TGFB3: variants seen among roughly 807,000 people sequenced by gnomAD.
TGFB3 encodes the protein transforming growth factor beta 3, also known as transforming growth factor beta-3 proprotein.
In TGFB3, 5 loss-of-function variants were observed where a neutral mutation model predicts 40.1. The observed-to-expected ratio is 0.12, with a 90% CI of 0.07 to 0.26. TGFB3 has a LOEUF of 0.26. Ranked by LOEUF, TGFB3 falls within the 10% of genes least tolerant of loss-of-function variation. The pLI is 1.00. For synonymous variants in TGFB3, 184 were observed against 205.6 expected, an observed-to-expected ratio of 0.89 and a Z score of 0.90; for missense variants, 373 against 530.1, an observed-to-expected ratio of 0.70 and a Z score of 2.91.
At chr14:75,964,494 C>T (rs2035197642) in intron 4 of TGFB3, among the ~76,000 whole-genome samples, 1 of 152,146 alleles carries the variant, frequency 6.6e-6, no homozygotes, top group Admixed American at 6.5e-5. Context: ...TGGAGACTGA[C>T]TTAGAAAGAG....
At chr14:75,976,082 G>A (rs2035350682) in intron 1 of TGFB3, among the ~76,000 whole-genome samples, 1 of 152,218 alleles carries the variant, frequency 6.6e-6, no homozygotes, top group Non-Finnish European at 1.5e-5. Flanking sequence ...GGAAATAGCT[G>A]ACCATGTTTA....
At chr14:75,982,313 G>C (rs1410234516), upstream of TGFB3, among the ~76,000 whole-genome samples, 2 of 152,100 alleles carry the variant, frequency 1.3e-5, no homozygotes, top group Non-Finnish European at 2.9e-5. This position sits in a 1 kb window ranked among gnomAD's most constrained non-coding sequence, Gnocchi z 4.0. Flanking sequence ...AGTCCGCGCC[G>C]TCCGCGGCCC....
chr14:75,959,179 G>T lies in TGFB3; in HGVS notation c.*8C>A, dbSNP rs3917215. Reference sequence around the variant, plus strand: ...TCTCTCTCCCCTCTCTCTGTCGCACGTGGGGTCTCAGCTACATTTACAAGA... The same window carrying T: ...TCTCTCTCCCCTCTCTCTGTCGCACTTGGGGTCTCAGCTACATTTACAAGA... On this transcript the variant is annotated 3_prime_UTR_variant, in exon 7 of 7. Transcript: ENST00000238682. The T allele has an allele frequency of 2.5e-6, 4 of 1,613,984 alleles. No individual in the cohort carries two copies. Among genetic ancestry groups the T allele is most frequent in the Non-Finnish European group, 3.4e-6 (4 of 1,180,002 alleles).
rs537980685 is a variant in TGFB3, at chr14:75,971,794, C to G, written c.353-76G>C. The G allele has an allele frequency of 1.2e-5, 19 of 1,560,848 alleles. No homozygotes were observed. In the East Asian group the frequency reaches 4.1e-4, roughly 33 times the overall value. ...ACAGTGTGCTGCCAACGGACAGGCA[C>G]CAAGTGGCCACCGTCCCGCCTGCCA... On this transcript the variant is annotated intron_variant, in intron 1 of 6. Transcript: ENST00000238682. This position sits in a 1 kb window ranked among gnomAD's most constrained non-coding sequence, Gnocchi z 4.5.
At position 75,971,191 on chromosome 14, in the gene TGFB3, C is replaced by A. The variant is rs760707107; in HGVS notation, c.581G>T (p.Arg194Leu). 1 of 1,614,120 alleles carries A rather than the reference C, an allele frequency of 6.2e-7. No homozygotes were observed. Among genetic ancestry groups the A allele is most frequent in the Non-Finnish European group, 8.5e-7 (1 of 1,180,032 alleles). ...AAAGGACAGCCACTCGGCAGTGCCC[C>A]GTGTGGGCAGATTCTTGCCACCGAT... ...RYIGGKNLPT[R>L]GTAEWLSFDV... is the part of the protein sequence containing the mutation. The change falls in exon 3 of 7, where the codon CGG becomes CTG. Residue 194 changes from arginine (R) to leucine (L), a missense_variant. Transcript: ENST00000238682. This position sits in a 1 kb window ranked among gnomAD's most constrained non-coding sequence, Gnocchi z 4.5.
chr14:75,976,406 C>T (rs1360191507), intron 1 of TGFB3, among the ~76,000 whole-genome samples: 1 of 152,168 alleles, frequency 6.6e-6, no homozygotes, highest in African/African-American at 2.4e-5. Flanking sequence ...GGCACCATGG[C>T]TTCTAGATGT....
At chr14:75,969,296 GGA>G (rs1243053125) in intron 3 of TGFB3, among the ~76,000 whole-genome samples, 14 of 152,136 alleles carry the variant, frequency 9.2e-5, no homozygotes, top group African/African-American at 2.4e-4. Context: ...GCTGATGACA[GGA>G]GAAAACCTTG....
At chr14:75,965,070 C>T (rs766928796) in intron 4 of TGFB3, among the ~76,000 whole-genome samples, 4 of 152,200 alleles carry the variant, frequency 2.6e-5, no homozygotes, top group Admixed American at 6.5e-5. Context: ...CGGGGACAAA[C>T]ACCCTGAGGC....
chr14:75,981,379 C>A lies in TGFB3; in HGVS notation c.-486G>T. Reference sequence around the variant, plus strand: ...CCCAAAATCAAAATCCTTGCCTTGCCTTGAAAGAAAATAAGAAAAGAGAAT... The same window carrying A: ...CCCAAAATCAAAATCCTTGCCTTGCATTGAAAGAAAATAAGAAAAGAGAAT... On this transcript the variant is annotated 5_prime_UTR_variant, in exon 1 of 7. In the 5' UTR this introduces an upstream ATG that the reference lacks. Transcript: ENST00000238682. This position sits in a 1 kb window ranked among gnomAD's most constrained non-coding sequence, Gnocchi z 4.7. 6.1e-6 allele frequency: 1 copy of A among 164,492 alleles called. No individual in the cohort carries two copies. Among genetic ancestry groups the A allele is most frequent in the Admixed American group, 5.8e-5 (1 of 17,344 alleles). 10.2% of individuals were successfully genotyped at this position (164,492 alleles called of 1,614,324 possible).
chr14:75,959,107 T>G lies in TGFB3; in HGVS notation c.*80A>C. ...GGGCTCCAGGCCTCTCAGTGAGGTT[T>G]GTTGCTTGTGTGTTTCCCGAGGAGC... On this transcript the variant is annotated 3_prime_UTR_variant, in exon 7 of 7. Coordinates refer to ENST00000238682, the MANE Select transcript of TGFB3 (RefSeq NM_003239.5). 6.3e-7 allele frequency: 1 copy of G among 1,592,124 alleles called. No homozygotes were observed. Among genetic ancestry groups the G allele is most frequent in the Non-Finnish European group, 8.6e-7 (1 of 1,161,160 alleles).
At chr14:75,961,634 T>C (rs571881229) in intron 5 of TGFB3, among the ~76,000 whole-genome samples, 1 of 152,316 alleles carries the variant, frequency 6.6e-6, no homozygotes, top group Non-Finnish European at 1.5e-5. Context: ...CAGAGATCAT[T>C]TGGCAATAAT....
chr14:75,980,756 C>T lies in TGFB3; in HGVS notation c.138G>A (p.Gln46=). The T allele has an allele frequency of 2.5e-6, 4 of 1,614,212 alleles. No individual in the cohort carries two copies. Among genetic ancestry groups the T allele is most frequent in the African/African-American group, 1.3e-5 (1 of 75,054 alleles). Reference sequence around the variant, plus strand: ...TGGTGAGCCTGAGCTTGCTCAAGATCTGTCCCCTAATGGCTTCCACCCTCT... The same window carrying T: ...TGGTGAGCCTGAGCTTGCTCAAGATTTGTCCCCTAATGGCTTCCACCCTCT... ...KKKRVEAIRG[Q]ILSKLRLTSP... The change falls in exon 1 of 7, where the codon CAG becomes CAA. Residue 46 remains glutamine (Q), a synonymous_variant. Transcript: ENST00000238682. This position sits in a 1 kb window ranked among gnomAD's most constrained non-coding sequence, Gnocchi z 4.3.
In TGFB3 at chr14:75,959,196, T is replaced by C. The variant is rs373100223; in HGVS notation, c.1230A>G (p.Lys410=). The change falls in exon 7 of 7, where the codon AAA becomes AAG. Residue 410 remains lysine (K), a synonymous_variant. Coordinates refer to ENST00000238682, the MANE Select transcript of TGFB3 (RefSeq NM_003239.5). ...QLSNMVVKSC[K]CS The stretch of plus-strand genomic sequence containing the variant: ...TGTCGCACGTGGGGTCTCAGCTACA[T>C]TTACAAGACTTCACCACCATGTTGG... The C allele has an allele frequency of 4.0e-5, 65 of 1,614,154 alleles. No individual in the cohort carries two copies. The highest frequency in any genetic ancestry group is 5.0e-5 in the Admixed American group (3 of 60,028).
In TGFB3 at chr14:75,962,667, C is replaced by A. The variant is rs1196777337; in HGVS notation, c.926+649G>T. Among the ~76,000 whole-genome samples, 3 of 152,326 alleles carry A rather than the reference C, an allele frequency of 2.0e-5. No homozygotes were observed. In the East Asian group the frequency reaches 5.8e-4, roughly 29 times the overall value. ...GAACTCATTGCTCCCAGTTAAAGCA[C>A]TTAATCCTTCGGACCCTCTCATGGG... On this transcript the variant is annotated intron_variant, in intron 5 of 6. Transcript: ENST00000238682.
At chr14:75,965,905 T>G in intron 3 of TGFB3, 1 of 586,696 alleles carries the variant, frequency 1.7e-6, no homozygotes, top group South Asian at 1.9e-5. Flanking sequence ...ATTCCTGTTG[T>G]ATTATGAATC....
chr14:75,969,343 A>G (rs967871253), intron 3 of TGFB3, among the ~76,000 whole-genome samples: 6 of 152,182 alleles, frequency 3.9e-5, no homozygotes, highest in Admixed American at 1.3e-4. Context: ...TGGGACTGCC[A>G]TCTGTGACCC....
In TGFB3 at chr14:75,981,121, G is replaced by A; in HGVS notation, c.-228C>T. On this transcript the variant is annotated 5_prime_UTR_variant, in exon 1 of 7. Transcript: ENST00000238682. This position sits in a 1 kb window ranked among gnomAD's most constrained non-coding sequence, Gnocchi z 4.7. ...CGGACTGTGTGCCTTGTAGCGCTGGGATTCTTGTCCATGTGTCTAAACAGG... is the reference window on the plus strand; with the variant it reads ...CGGACTGTGTGCCTTGTAGCGCTGGAATTCTTGTCCATGTGTCTAAACAGG... 1 of 577,202 alleles carries A rather than the reference G, an allele frequency of 1.7e-6. No individual in the cohort carries two copies. The highest frequency in any genetic ancestry group is 3.1e-6 in the Non-Finnish European group (1 of 321,836). The allele number at this position is 577,202 out of a possible 1,614,324, so 35.8% of individuals were successfully genotyped here.
At chr14:75,972,090 C>T (rs1440315936) in intron 1 of TGFB3, among the ~76,000 whole-genome samples, 1 of 152,210 alleles carries the variant, frequency 6.6e-6, no homozygotes, top group Non-Finnish European at 1.5e-5. Flanking sequence ...ACATATCTTA[C>T]AGCTAGTTGA....
chr14:75,959,179 G>A lies in TGFB3; in HGVS notation c.*8C>T, dbSNP rs3917215. 96 of 1,614,100 alleles carry A rather than the reference G, an allele frequency of 5.9e-5. No individual in the cohort carries two copies. The highest frequency in any genetic ancestry group is 4.5e-4 in the Admixed American group (27 of 60,026). On this transcript the variant is annotated 3_prime_UTR_variant, in exon 7 of 7. Coordinates refer to ENST00000238682, the MANE Select transcript of TGFB3 (RefSeq NM_003239.5). ...TCTCTCTCCCCTCTCTCTGTCGCAC[G>A]TGGGGTCTCAGCTACATTTACAAGA... is the stretch of plus-strand genomic sequence containing the variant.
Sources: allele counts gnomAD v4.1 joint callset (sites outside exome capture counted in the v4.1 genomes callset), GRCh38; gene constraint gnomAD v4.1.1; non-coding constraint Gnocchi (gnomAD v3.1); transcripts MANE v1.5; gene names NCBI Gene and HGNC (gene_info 2026-07-23, HGNC 2026-07-21).